The following XKR6 variants were observed in gnomAD, a reference collection of about 807,000 sequenced individuals.
The protein encoded by XKR6 is XK-related protein 6.
In XKR6, 22 loss-of-function variants were observed where a neutral mutation model predicts 56.7. The observed-to-expected ratio is 0.39, with a 90% CI of 0.28 to 0.55. The LOEUF is 0.55. Ranked by LOEUF, XKR6 falls within the 20% of genes least tolerant of loss-of-function variation. The pLI, the probability that XKR6 is intolerant of heterozygous loss-of-function variation, is 0.66. For synonymous variants in XKR6, 524 were observed against 387.8 expected (o/e 1.35, Z -4.13); for missense variants, 852 against 889.0 (o/e 0.96, Z 0.53).
intron 1 of XKR6, among the ~76,000 whole-genome samples, chr8:11,019,567 G>A (rs1446511911): frequency 2.0e-5 from 3 of 152,200 alleles, no homozygotes; most frequent in African/African-American, 4.8e-5. Flanking sequence ...GCTAGAACGC[G>A]CAGGTGACAT....
At chr8:10,912,949 G>T (rs1278347526) in intron 2 of XKR6, among the ~76,000 whole-genome samples, 1 of 150,504 alleles carries the variant, frequency 6.6e-6, no homozygotes, top group Non-Finnish European at 1.5e-5. Flanking sequence ...TATCTATAGA[G>T]GGCGAGTACA....
chr8:11,161,291 C>A (rs986634768), intron 1 of XKR6, among the ~76,000 whole-genome samples: 1 of 152,166 alleles, frequency 6.6e-6, no homozygotes, highest in Non-Finnish European at 1.5e-5. Flanking sequence ...CAGTACCTAC[C>A]TTGGTAAGTC....
intron 1 of XKR6, among the ~76,000 whole-genome samples, chr8:11,004,476 AAAAT>A (rs59808833): frequency 1.3e-5 from 2 of 150,526 alleles, no homozygotes; most frequent in Admixed American, 1.3e-4. Flanking sequence ...GTCCATCTCA[AAAAT>A]AAATAAATAA....
At chr8:11,170,923 G>A (rs1463692112) in intron 1 of XKR6, among the ~76,000 whole-genome samples, 2 of 152,170 alleles carry the variant, frequency 1.3e-5, no homozygotes, top group African/African-American at 4.8e-5. Context: ...ATTAACCTTT[G>A]CTGTTGTAAC....
At chr8:11,039,308 G>T (rs531805961) in intron 1 of XKR6, among the ~76,000 whole-genome samples, 1 of 152,194 alleles carries the variant, frequency 6.6e-6, no homozygotes, top group Non-Finnish European at 1.5e-5. Flanking sequence ...AACACCAGAG[G>T]GGGGATTGAG....
At chr8:11,143,604 G>C (rs1051818181) in intron 1 of XKR6, among the ~76,000 whole-genome samples, 3 of 152,210 alleles carry the variant, frequency 2.0e-5, no homozygotes, top group Admixed American at 6.5e-5. Flanking sequence ...AGAAATGTAT[G>C]ATGGGGTGAA....
intron 1 of XKR6, among the ~76,000 whole-genome samples, chr8:11,103,957 C>T (rs1001985501): frequency 2.5e-4 from 38 of 152,300 alleles, no homozygotes; most frequent in African/African-American, 8.9e-4. Context: ...AGCTGTCGTA[C>T]CCTTGGGAGG....
intron 1 of XKR6, among the ~76,000 whole-genome samples, chr8:11,179,020 CTTTTT>C (rs35214787): frequency 1.9e-5 from 2 of 104,518 alleles, no homozygotes; most frequent in Non-Finnish European, 3.6e-5. Flanking sequence ...TTTTCTTTTT[CTTTTT>C]TTTTTTTTTT....
intron 1 of XKR6, among the ~76,000 whole-genome samples, chr8:10,981,971 C>A (rs1414568523): frequency 1.3e-5 from 2 of 152,184 alleles, no homozygotes; most frequent in East Asian, 3.8e-4. Flanking sequence ...GGCTAGTTGC[C>A]TATATAAAAC....
rs937843895 is a variant in XKR6 at position 10,904,307 on chromosome 8, C to T, written c.962-5391G>A. On this transcript the variant is annotated intron_variant, in intron 2 of 2. Coordinates refer to ENST00000416569, the MANE Select transcript of XKR6 (RefSeq NM_173683.4). ...GCTGGGGGGCTGGGGAAGGGCAACTCCCCAGAGAAAGGCTTGGAGAAAGGG... is the reference window on the plus strand; with the variant it reads ...GCTGGGGGGCTGGGGAAGGGCAACTTCCCAGAGAAAGGCTTGGAGAAAGGG... 3.9e-5 allele frequency among the ~76,000 whole-genome samples: 6 copies of T among 152,080 alleles called. No homozygotes were observed. In the East Asian group the frequency reaches 1.2e-3, roughly 29 times the overall value.
In XKR6 at chr8:11,155,628, A is replaced by T. The variant is rs1801483838; in HGVS notation, c.764+44948T>A. 2.0e-5 allele frequency among the ~76,000 whole-genome samples: 3 copies of T among 152,320 alleles called. 1 individual carries two copies. Among genetic ancestry groups the T allele is most frequent in the African/African-American group, 7.2e-5 (3 of 41,570 alleles). On this transcript the variant is annotated intron_variant, in intron 1 of 2. Coordinates refer to ENST00000416569, the MANE Select transcript of XKR6 (RefSeq NM_173683.4). ...ACAGTTTTCTCTGGACAATTTCAGC[A>T]GTATCTCAGCACACAGAGTGTAACA...
At chr8:11,065,517 C>T (rs1799953648) in intron 1 of XKR6, among the ~76,000 whole-genome samples, 1 of 152,158 alleles carries the variant, frequency 6.6e-6, no homozygotes, top group Non-Finnish European at 1.5e-5. Context: ...ATCAGCCACA[C>T]CAACTGCAGT....
At chr8:11,085,162 G>C (rs1563125719) in intron 1 of XKR6, among the ~76,000 whole-genome samples, 2 of 152,034 alleles carry the variant, frequency 1.3e-5, no homozygotes, top group East Asian at 3.9e-4. Flanking sequence ...TGTCACCCAA[G>C]AGCAGTTGGC....
intron 1 of XKR6, among the ~76,000 whole-genome samples, chr8:10,925,441 T>A (rs1479809784): frequency 6.6e-6 from 1 of 152,078 alleles, no homozygotes; most frequent in Non-Finnish European, 1.5e-5. Context: ...AGGGATCACA[T>A]CCAGGCCACT....
At chr8:11,065,971 GC>G (rs1799966702) in intron 1 of XKR6, among the ~76,000 whole-genome samples, 1 of 152,244 alleles carries the variant, frequency 6.6e-6, no homozygotes, top group Non-Finnish European at 1.5e-5. Context: ...AGTTTAGCCA[GC>G]TATAAAATGG....
chr8:10,915,028 G>A (rs1328917980), intron 2 of XKR6, among the ~76,000 whole-genome samples: 3 of 152,218 alleles, frequency 2.0e-5, no homozygotes, highest in Non-Finnish European at 4.4e-5. Context: ...TCTCCCTGTT[G>A]AAGACCAATA....
chr8:11,044,757 T>A (rs796754912), intron 1 of XKR6, among the ~76,000 whole-genome samples: 13 of 152,052 alleles, frequency 8.5e-5, no homozygotes, highest in African/African-American at 3.1e-4. Flanking sequence ...CAGCTGGGAC[T>A]ACAGGCGAAT....
chr8:10,990,650 G>A (rs1246234982), intron 1 of XKR6, among the ~76,000 whole-genome samples: 1 of 152,092 alleles, frequency 6.6e-6, no homozygotes, highest in African/African-American at 2.4e-5. Flanking sequence ...TGCAATCATG[G>A]CTTACTGTAA....
Position 11,107,094 on chromosome 8 carries a change from T to C in XKR6, c.764+93482A>G, listed in dbSNP as rs1351307319. On this transcript the variant is annotated intron_variant, in intron 1 of 2. Transcript: ENST00000416569. The stretch of plus-strand genomic sequence containing the variant: ...ACTGTGATGCTTCTATCTTGACTTA[T>C]GACAAAAGGGCTAAAAATGAGCAAC... 3.3e-5 allele frequency among the ~76,000 whole-genome samples: 5 copies of C among 151,890 alleles called. No homozygotes were observed. In the East Asian group the frequency reaches 5.8e-4, roughly 18 times the overall value.
Sources: allele counts gnomAD v4.1 joint callset (sites outside exome capture counted in the v4.1 genomes callset), GRCh38; gene constraint gnomAD v4.1.1; transcripts MANE v1.5; gene names NCBI Gene and HGNC (gene_info 2026-07-23, HGNC 2026-07-21).